The following CTNNA2 variants were observed in gnomAD, a reference collection of about 807,000 sequenced individuals.
CTNNA2 encodes the protein catenin alpha-2.
Under a neutral mutation model 101.0 loss-of-function variants are expected in CTNNA2, and 42 were observed. The observed-to-expected ratio is 0.42, with a 90% CI of 0.32 to 0.54. The LOEUF (loss-of-function observed/expected upper bound fraction) is 0.54, where lower values mean the gene tolerates loss of function less well. Among genes scored for constraint, CTNNA2 ranks in the 20% least tolerant of loss-of-function variants. The pLI is 0.14. For synonymous variants in CTNNA2, 450 were observed against 456.4 expected, an observed-to-expected ratio of 0.99 and a Z score of 0.18; for missense variants, 871 against 1,223.1, an observed-to-expected ratio of 0.71 and a Z score of 4.29.
rs1676431078 is a variant in CTNNA2, at chr2:79,585,577, A to G, written c.-5-65975A>G. Reference sequence around the variant, plus strand: ...ATGGTACTCTGTCTCAGAGCTGGCCAGGAACAACAAAAGGCTTTTTTACAT... The same window carrying G: ...ATGGTACTCTGTCTCAGAGCTGGCCGGGAACAACAAAAGGCTTTTTTACAT... On this transcript the variant is annotated intron_variant, in intron 1 of 18. Coordinates refer to ENST00000402739, the MANE Select transcript of CTNNA2 (RefSeq NM_001282597.3). 1.3e-5 allele frequency among the ~76,000 whole-genome samples: 2 copies of G among 152,160 alleles called. 1 individual carries two copies. Among genetic ancestry groups the G allele is most frequent in the South Asian group, 4.1e-4 (2 of 4,824 alleles).
At chr2:79,771,250 G>T (rs930235361) in intron 3 of CTNNA2, among the ~76,000 whole-genome samples, 3 of 152,148 alleles carry the variant, frequency 2.0e-5, no homozygotes, top group Admixed American at 2.0e-4. Context: ...TAAGCTGATA[G>T]TCGAACCACA....
chr2:80,380,250 A>T (rs746326233), intron 7 of CTNNA2, among the ~76,000 whole-genome samples: 1 of 151,928 alleles, frequency 6.6e-6, no homozygotes, highest in Non-Finnish European at 1.5e-5. Context: ...GTTAGCCAGG[A>T]TAATCTCGAT....
intron 7 of CTNNA2, among the ~76,000 whole-genome samples, chr2:80,341,507 T>G (rs1672245494): frequency 6.6e-6 from 1 of 152,094 alleles, no homozygotes. Flanking sequence ...CACATGAAAA[T>G]ATCCTCAACA....
intron 18 of CTNNA2, among the ~76,000 whole-genome samples, chr2:80,627,801 G>A (rs1007870750): frequency 6.6e-6 from 1 of 152,080 alleles, no homozygotes; most frequent in South Asian, 2.1e-4. Context: ...GTCCTGAATG[G>A]TATTGCCTAG....
intron 9 of CTNNA2, among the ~76,000 whole-genome samples, chr2:80,530,634 C>A (rs992390765): frequency 6.6e-6 from 1 of 152,164 alleles, no homozygotes; most frequent in Non-Finnish European, 1.5e-5. Flanking sequence ...ATAAAGAAAG[C>A]AGAACTGGGA....
chr2:79,617,181 T>C (rs1678685520), intron 1 of CTNNA2, among the ~76,000 whole-genome samples: 1 of 152,118 alleles, frequency 6.6e-6, no homozygotes, highest in Admixed American at 6.6e-5. Context: ...GGATTACAGG[T>C]GTGAGCCATC....
chr2:80,219,779 C>T (rs569589932), intron 7 of CTNNA2, among the ~76,000 whole-genome samples: 6 of 152,278 alleles, frequency 3.9e-5, no homozygotes, highest in African/African-American at 1.4e-4. Flanking sequence ...ATTCATATTT[C>T]TAGCCCTCTT....
chr2:79,360,391 T>C (rs1031237393), intron 3 of CTNNA2, among the ~76,000 whole-genome samples: 2 of 152,154 alleles, frequency 1.3e-5, no homozygotes, highest in African/African-American at 4.8e-5. Flanking sequence ...CCAAGGAGCA[T>C]ATATATTCTG....
At chr2:79,344,172 C>T (rs891830001) in intron 3 of CTNNA2, among the ~76,000 whole-genome samples, 5 of 140,606 alleles carry the variant, frequency 3.6e-5, no homozygotes, top group Non-Finnish European at 6.3e-5. Context: ...AAAGGCACCC[C>T]GCTCTACACA....
chr2:79,638,297 G>A (rs1214710934), intron 1 of CTNNA2, among the ~76,000 whole-genome samples: 1 of 152,108 alleles, frequency 6.6e-6, no homozygotes, highest in Non-Finnish European at 1.5e-5. Context: ...TATTACCTGA[G>A]GTATTTTTTG....
chr2:80,585,247 T>G (rs959770624), intron 14 of CTNNA2, among the ~76,000 whole-genome samples: 3 of 152,186 alleles, frequency 2.0e-5, no homozygotes, highest in Non-Finnish European at 4.4e-5. Flanking sequence ...TTCAGTGCTA[T>G]CTGAATGGTT....
chr2:80,168,203 C>T (rs945791102), intron 7 of CTNNA2, among the ~76,000 whole-genome samples: 1 of 152,034 alleles, frequency 6.6e-6, no homozygotes, highest in Non-Finnish European at 1.5e-5. Flanking sequence ...CTTTCTTTCC[C>T]CCTCCAGCCT....
At chr2:80,594,806 G>GA (rs1696809014) in intron 15 of CTNNA2, among the ~76,000 whole-genome samples, 1 of 150,980 alleles carries the variant, frequency 6.6e-6, no homozygotes. Context: ...TACCTTTGTG[G>GA]AAAATCATTT....
At position 79,948,254 on chromosome 2, in the gene CTNNA2, G is replaced by A. The variant is rs138400611; in HGVS notation, c.1056+38457G>A. 5.0e-3 allele frequency among the ~76,000 whole-genome samples: 764 copies of A among 152,338 alleles called. 6 individuals carry two copies. The highest frequency in any genetic ancestry group is 0.01 in the Middle Eastern group (3 of 294). ...GAGCTGCATACAAAGGATGCTCACA[G>A]TACATCCATGGTTGCCGGCTGGTAT... On this transcript the variant is annotated intron_variant, in intron 7 of 18. Coordinates refer to ENST00000402739, the MANE Select transcript of CTNNA2 (RefSeq NM_001282597.3).
intron 7 of CTNNA2, among the ~76,000 whole-genome samples, chr2:79,988,287 C>T (rs141849247): frequency 3.0e-4 from 45 of 152,276 alleles, no homozygotes; most frequent in African/African-American, 6.7e-4. Context: ...CTTAGACTAT[C>T]GCCACCATCA....
In CTNNA2 at chr2:80,577,108, T is replaced by C. The variant is rs566249048; in HGVS notation, c.1893+2794T>C. Among the ~76,000 whole-genome samples the C allele has an allele frequency of 1.9e-4, 29 of 152,304 alleles. No homozygotes were observed. In the South Asian group the frequency reaches 5.8e-3, roughly 30 times the overall value. ...AAATTGGTAATTCTGTCTTGGTTAT[T>C]CATTTATTTGCTGAAAGCTTATTAG... On this transcript the variant is annotated intron_variant, in intron 13 of 18. Coordinates refer to ENST00000402739, the MANE Select transcript of CTNNA2 (RefSeq NM_001282597.3).
At chr2:80,545,848 G>C in intron 10 of CTNNA2, 59 bp from the exon 11 acceptor site, 1 of 1,573,816 alleles carries the variant, frequency 6.4e-7, no homozygotes, top group Non-Finnish European at 8.7e-7. Flanking sequence ...TCTTTGACCG[G>C]CTTATTCCTC....
At chr2:79,220,140 T>A (rs1417457018) in intron 2 of CTNNA2, among the ~76,000 whole-genome samples, 1 of 152,062 alleles carries the variant, frequency 6.6e-6, no homozygotes, top group East Asian at 1.9e-4. Context: ...CCCACAATTC[T>A]CAAAATTGGC....
chr2:79,889,832 ATAT>A (rs1236099450), intron 6 of CTNNA2, among the ~76,000 whole-genome samples: 9 of 152,166 alleles, frequency 5.9e-5, no homozygotes, highest in Admixed American at 2.6e-4. Context: ...GTAGCTATTG[ATAT>A]TATAATGTCA....
Sources: allele counts gnomAD v4.1 joint callset (sites outside exome capture counted in the v4.1 genomes callset), GRCh38; gene constraint gnomAD v4.1.1; transcripts MANE v1.5; gene names NCBI Gene and HGNC (gene_info 2026-07-23, HGNC 2026-07-21).